The following SLCO6A1 variants were observed in gnomAD, a reference collection of about 807,000 sequenced individuals.
The protein encoded by SLCO6A1 is cancer/testis antigen 48.
Under a neutral mutation model 72.7 loss-of-function variants are expected in SLCO6A1, and 65 were observed. That is an observed-to-expected ratio of 0.89 (90% confidence interval 0.73 to 1.10). The LOEUF (loss-of-function observed/expected upper bound fraction) is 1.10. Ranked by LOEUF, SLCO6A1 falls within the 50% of genes least tolerant of loss-of-function variation. SLCO6A1 has a pLI of 0.00. For missense variants in SLCO6A1, 874 were observed against 872.6 expected, an observed-to-expected ratio of 1.00 and a Z score of -0.02; for synonymous variants, 314 against 298.2, an observed-to-expected ratio of 1.05 and a Z score of -0.55.
At chr5:102,403,692 T>C (rs1399903052) in intron 9 of SLCO6A1, among the ~76,000 whole-genome samples, 1 of 152,156 alleles carries the variant, frequency 6.6e-6, no homozygotes, top group East Asian at 1.9e-4. Context: ...CTATTTGAAT[T>C]ATTTACCATG....
chr5:102,386,739 C>T (rs796196946), intron 12 of SLCO6A1, among the ~76,000 whole-genome samples: 5 of 152,282 alleles, frequency 3.3e-5, no homozygotes, highest in African/African-American at 9.6e-5. Context: ...GGCTTTGGGA[C>T]TCAACCTGTA....
chr5:102,475,640 G>A, intron 4 of SLCO6A1, 57 bp downstream of exon 4: 1 of 1,087,872 alleles, frequency 9.2e-7, no homozygotes. Context: ...AGCTATGGTA[G>A]CTATTTAGTA....
At chr5:102,376,272 C>T (rs1745787859) in intron 12 of SLCO6A1, among the ~76,000 whole-genome samples, 2 of 151,906 alleles carry the variant, frequency 1.3e-5, no homozygotes, top group Admixed American at 6.6e-5. Flanking sequence ...AAAAGAAATG[C>T]TAAAAAAGAT....
chr5:102,475,665 T>C (rs1315415954), intron 4 of SLCO6A1, 32 bp downstream of exon 4: 5 of 1,462,690 alleles, frequency 3.4e-6, no homozygotes, highest in African/African-American at 1.4e-5. Context: ...TTTTATACAA[T>C]GTAAACAAAA....
At chr5:102,488,746 G>T (rs1181064183) in intron 1 of SLCO6A1, among the ~76,000 whole-genome samples, 1 of 152,122 alleles carries the variant, frequency 6.6e-6, no homozygotes, top group Non-Finnish European at 1.5e-5. Context: ...ATTTGCACTG[G>T]CAACAAGGTC....
chr5:102,395,126 G>C (rs1400384170), intron 10 of SLCO6A1, among the ~76,000 whole-genome samples: 1 of 151,944 alleles, frequency 6.6e-6, no homozygotes, highest in African/African-American at 2.4e-5. Context: ...TGTCATGTTG[G>C]TGTGATGCAC....
chr5:102,498,566 G>A lies in SLCO6A1; in HGVS notation c.279C>T (p.Cys93=). 1 of 1,614,242 alleles carries A rather than the reference G, an allele frequency of 6.2e-7. No individual in the cohort carries two copies. ...AACACTCACAGCAGGTGCTGACTAA[G>A]CAGCCCAAACCACAGGGCTGCTCCA... ...DSLEQPCGLG[C]LVSTCCECCN... The change falls in exon 1 of 14, where the codon TGC becomes TGT. Residue 93 remains cysteine (C), a synonymous_variant. Coordinates refer to ENST00000506729, the MANE Select transcript of SLCO6A1 (RefSeq NM_173488.5).
chr5:102,390,148 A>G (rs1490280091), intron 11 of SLCO6A1, among the ~76,000 whole-genome samples: 1 of 152,180 alleles, frequency 6.6e-6, no homozygotes, highest in African/African-American at 2.4e-5. Flanking sequence ...TATAATATTT[A>G]ATATCATCTT....
At chr5:102,373,585 T>C (rs888644615) in intron 12 of SLCO6A1, 91 bp from the exon 13 acceptor site, 1 of 859,472 alleles carries the variant, frequency 1.2e-6, no homozygotes, top group Non-Finnish European at 1.6e-6. Flanking sequence ...AAGGTAAGCA[T>C]ATTTCACCTA....
In SLCO6A1 at chr5:102,498,845, G is replaced by T. The variant is rs1212232128; in HGVS notation, c.-1C>A. ...AGTGCCGGGCGACGCCTACGAACAT[G>T]GCTCACCCTGGGCGGCTCCTGGCGA... On this transcript the variant is annotated 5_prime_UTR_variant, in exon 1 of 14. Coordinates refer to ENST00000506729, the MANE Select transcript of SLCO6A1 (RefSeq NM_173488.5). The T allele has an allele frequency of 6.2e-7, 1 of 1,604,734 alleles. No individual in the cohort carries two copies. The highest frequency in any genetic ancestry group is 8.5e-7 in the Non-Finnish European group (1 of 1,176,518).
chr5:102,389,638 A>G (rs55668441), intron 11 of SLCO6A1, among the ~76,000 whole-genome samples: 97,655 of 151,138 alleles, frequency 0.65, 31,698 homozygotes, highest in African/African-American at 0.66. Flanking sequence ...ATTTTTAATT[A>G]CTCAAGTTTA....
chr5:102,461,669 C>T (rs752932933), intron 4 of SLCO6A1, among the ~76,000 whole-genome samples: 1 of 151,962 alleles, frequency 6.6e-6, no homozygotes. Flanking sequence ...ATATTAAATA[C>T]CATCATGATA....
intron 4 of SLCO6A1, among the ~76,000 whole-genome samples, chr5:102,461,073 A>T (rs1190382829): frequency 6.6e-6 from 1 of 151,436 alleles, no homozygotes; most frequent in Admixed American, 6.6e-5. Flanking sequence ...ATGTATTCTA[A>T]CTATATACAT....
In SLCO6A1 at chr5:102,409,165, T is replaced by C. The variant is rs115769817; in HGVS notation, c.1626+3825A>G. Among the ~76,000 whole-genome samples the C allele has an allele frequency of 8.1e-3, 1,236 of 152,246 alleles. 12 individuals carry two copies. The highest frequency in any genetic ancestry group is 0.015 in the Non-Finnish European group (1,007 of 68,000). On this transcript the variant is annotated intron_variant, in intron 9 of 13. Coordinates refer to ENST00000506729, the MANE Select transcript of SLCO6A1 (RefSeq NM_173488.5). Reference sequence around the variant, plus strand: ...TCAGTGAGGAAAAGCTGCCCAGGAATATTATCAATATCAACAGCAGATATC... The same window carrying C: ...TCAGTGAGGAAAAGCTGCCCAGGAACATTATCAATATCAACAGCAGATATC...
chr5:102,480,869 C>T (rs1297268802), intron 1 of SLCO6A1, among the ~76,000 whole-genome samples: 2 of 152,144 alleles, frequency 1.3e-5, no homozygotes, highest in Non-Finnish European at 2.9e-5. Context: ...TCCCTCCCCT[C>T]CATAATCAGC....
At chr5:102,425,789 C>G (rs1019585876) in intron 7 of SLCO6A1, among the ~76,000 whole-genome samples, 28 of 150,864 alleles carry the variant, frequency 1.9e-4, no homozygotes, top group African/African-American at 6.1e-4. Flanking sequence ...CATATGGAAC[C>G]AAAAAGAGCC....
chr5:102,458,153 A>C (rs1750833711), intron 6 of SLCO6A1, among the ~76,000 whole-genome samples: 1 of 152,124 alleles, frequency 6.6e-6, no homozygotes, highest in Non-Finnish European at 1.5e-5. Flanking sequence ...CTAATGTTAA[A>C]TAATGAGTTA....
chr5:102,494,116 C>T (rs1039988476), intron 1 of SLCO6A1, among the ~76,000 whole-genome samples: 2 of 151,940 alleles, frequency 1.3e-5, no homozygotes, highest in Non-Finnish European at 2.9e-5. Context: ...AATAGAAAGT[C>T]TTGAAATAGA....
intron 6 of SLCO6A1, among the ~76,000 whole-genome samples, chr5:102,452,941 G>A (rs1299520721): frequency 1.3e-5 from 2 of 152,154 alleles, no homozygotes; most frequent in African/African-American, 2.4e-5. Flanking sequence ...CAAATGGCAT[G>A]AACCATGAGG....
Sources: gnomAD v4.1 joint callset for allele counts (sites outside exome capture counted in the v4.1 genomes callset) on GRCh38, gnomAD v4.1.1 for gene constraint, MANE v1.5 for transcripts, NCBI Gene and HGNC (gene_info 2026-07-23, HGNC 2026-07-21) for gene names.